Variants in TBC1D10A observed in about 807,000 individuals in gnomAD.
TBC1D10A encodes the protein EBP50-PDX interactor of 64 kDa.
In TBC1D10A, 24 loss-of-function variants were observed where a neutral mutation model predicts 52.9. The observed-to-expected ratio is 0.45, with a 90% CI of 0.33 to 0.64. The LOEUF is 0.64. Among genes scored for constraint, TBC1D10A ranks in the 30% least tolerant of loss-of-function variants. The probability of loss-of-function intolerance (pLI) is 0.02; values close to 1 mark genes in which losing one functional copy is unlikely to be tolerated. For missense variants in TBC1D10A, 602 were observed against 687.9 expected, an observed-to-expected ratio of 0.88 and a Z score of 1.40; for synonymous variants, 278 against 282.9, an observed-to-expected ratio of 0.98 and a Z score of 0.17.
At position 30,293,760 on chromosome 22, in the gene TBC1D10A, G is replaced by C. The variant is rs139812230; in HGVS notation, c.941C>G (p.Ala314Gly). 3 of 1,612,640 alleles carry C rather than the reference G, an allele frequency of 1.9e-6. No homozygotes were observed. Among genetic ancestry groups the C allele is most frequent in the Non-Finnish European group, 2.5e-6 (3 of 1,179,322 alleles). ...FRVGLVLLKH[A>G]LGSPEKVKAC... ...TTTGACCTTCTCAGGGGAGCCCAGC[G>C]CGTGCTTCAGCAGCACCAGCCCCAC... Residue 314 changes from alanine to glycine, a missense_variant, in exon 8 of 9, where the codon GCG becomes GGG. Ala to Gly is a moderately conservative substitution (Grantham distance 60). This residue lies in a region of TBC1D10A where 265 missense variants were observed against 275.1 expected (regional missense o/e 0.96). Coordinates refer to ENST00000215790, the MANE Select transcript of TBC1D10A (RefSeq NM_031937.3).
At position 30,294,115 on chromosome 22, in the gene TBC1D10A, G is replaced by A. The variant is rs1930020356; in HGVS notation, c.706-5C>T. ...CCCGTCCAGCTGGATCGCCTCCTAG[G>A]GAGACATCGAGGCCACGGGACCATG... On this transcript the variant is annotated splice_polypyrimidine_tract_variant and splice_region_variant and intron_variant, in intron 6 of 8. Coordinates refer to ENST00000215790, the MANE Select transcript of TBC1D10A (RefSeq NM_031937.3). 6.2e-7 allele frequency: 1 copy of A among 1,612,512 alleles called. No individual in the cohort carries two copies. The highest frequency in any genetic ancestry group is 8.5e-7 in the Non-Finnish European group (1 of 1,179,150).
At chr22:30,311,327 C>T (rs534410893) in intron 1 of TBC1D10A, among the ~76,000 whole-genome samples, 19 of 152,270 alleles carry the variant, frequency 1.2e-4, no homozygotes, top group Non-Finnish European at 2.2e-4. Context: ...GTCTGCCTGA[C>T]GCCACACACT....
Position 30,305,116 on chromosome 22 carries a change from CCT to C in TBC1D10A, c.210-488_210-487del, listed in dbSNP as rs980940262. On this transcript the variant is annotated intron_variant, in intron 1 of 8. Coordinates refer to ENST00000215790, the MANE Select transcript of TBC1D10A (RefSeq NM_031937.3). ...TCCCCAATTATGCCCTGGCCCTTTC[CCT>C]CTCAGCCTTTATTCATGCCAGTAAC... Among the ~76,000 whole-genome samples, 69 of 152,324 alleles carry C rather than the reference CCT, an allele frequency of 4.5e-4. 1 individual carries two copies. Among genetic ancestry groups the C allele is most frequent in the African/African-American group, 1.6e-3 (68 of 41,566 alleles).
intron 1 of TBC1D10A, among the ~76,000 whole-genome samples, chr22:30,307,060 T>C (rs1269630013): frequency 2.0e-5 from 3 of 152,148 alleles, no homozygotes; most frequent in African/African-American, 7.2e-5. Flanking sequence ...CAGTCTATCT[T>C]ATGAATTTGA....
At chr22:30,295,173 T>TGACCACAAGCA in intron 4 of TBC1D10A, 118 bp from the exon 5 acceptor site, 1 of 969,544 alleles carries the variant, frequency 1.0e-6, no homozygotes, top group Non-Finnish European at 1.6e-6. Flanking sequence ...AGAGGGAAGG[T>TGACCACAAGCA]GATCTGCTTG....
rs1475674066 is a variant in TBC1D10A, at chr22:30,292,746, T to C, written c.1156A>G (p.Arg386Gly). 1.2e-6 allele frequency: 2 copies of C among 1,611,912 alleles called. No individual in the cohort carries two copies. Among genetic ancestry groups the C allele is most frequent in the Non-Finnish European group, 8.5e-7 (1 of 1,179,570 alleles). Residue 386 changes from arginine (R) to glycine (G), a missense_variant, in exon 9 of 9, where the codon AGG becomes GGG. By Grantham distance (125) the Arg-to-Gly change is moderately radical (BLOSUM62 -2). Coordinates refer to ENST00000215790, the MANE Select transcript of TBC1D10A (RefSeq NM_031937.3). Reference sequence around the variant, plus strand: ...AAGATAGCCTTGGCACCATGCAGCCTGGGCGGGGAGCGGCACTGCAGCTCA... The same window carrying C: ...AAGATAGCCTTGGCACCATGCAGCCCGGGCGGGGAGCGGCACTGCAGCTCA... ...RGELQCRSPP[R>G]LHGAKAILDA...
rs1177201885 is a variant in TBC1D10A, at chr22:30,297,221, CAG to C, written c.418-1380_418-1379del. 1 of 152,432 alleles carries C rather than the reference CAG, an allele frequency of 6.6e-6. No individual in the cohort carries two copies. The highest frequency in any genetic ancestry group is 1.5e-5 in the Non-Finnish European group (1 of 68,190). 9.4% of individuals were successfully genotyped at this position (152,432 alleles called of 1,614,324 possible). ...ACAGGGAGGGGCTGGGGCCTCCACA[CAG>C]AGCCCTAGAGCAGGCACATAGCGGA... On this transcript the variant is annotated intron_variant, in intron 3 of 8. Transcript: ENST00000215790. This position sits in a 1 kb window ranked among gnomAD's most constrained non-coding sequence, Gnocchi z 4.3.
chr22:30,295,893 T>C (rs1324268274), intron 3 of TBC1D10A, 50 bp from the exon 4 acceptor site: 2 of 1,540,638 alleles, frequency 1.3e-6, no homozygotes, highest in East Asian at 2.3e-5. Context: ...AGGTGGGCTT[T>C]GCTGACAGGA....
chr22:30,294,897 G>A (rs552333770), intron 5 of TBC1D10A, 36 bp from the exon 6 acceptor site: 1 of 1,614,090 alleles, frequency 6.2e-7, no homozygotes, highest in Admixed American at 1.7e-5. Context: ...TTGCCGTTGG[G>A]GGTTCCCCAC....
Position 30,326,911 on chromosome 22 carries a change from C to G in TBC1D10A, c.-30G>C, listed in dbSNP as rs547905778. ...GCCGCGCCCGCCGCCTGAGCTCCAG[C>G]GGCCACCTCAGCCGCCCTGCTGCCG... On this transcript the variant is annotated 5_prime_UTR_variant, in exon 1 of 9. Coordinates refer to ENST00000215790, the MANE Select transcript of TBC1D10A (RefSeq NM_031937.3). 1.1e-3 allele frequency: 1,578 copies of G among 1,444,236 alleles called. 8 individuals are homozygous for G. Among genetic ancestry groups the G allele is most frequent in the Non-Finnish European group, 1.3e-3 (1,467 of 1,103,004 alleles). 89.5% of individuals were successfully genotyped at this position (1,444,236 alleles called of 1,614,324 possible). A position where few individuals can be genotyped will look rare whatever the true frequency, so the allele number is the denominator to read the frequency against.
chr22:30,301,969 G>A (rs1601672380), intron 2 of TBC1D10A, among the ~76,000 whole-genome samples: 1 of 152,316 alleles, frequency 6.6e-6, no homozygotes, highest in East Asian at 1.9e-4. Flanking sequence ...ATGTGCTTTA[G>A]CCCAAAGCCA....
At chr22:30,295,623 G>C (rs2010473866) in intron 4 of TBC1D10A, 114 bp downstream of exon 4, 7 of 971,186 alleles carry the variant, frequency 7.2e-6, no homozygotes, top group Non-Finnish European at 1.1e-5. Flanking sequence ...GAAATGCTAA[G>C]AGTGGAGTTG....
rs564242839 is a variant in TBC1D10A, at chr22:30,304,621, T to C, written c.219A>G (p.Glu73=). 33 of 1,614,016 alleles carry C rather than the reference T, an allele frequency of 2.0e-5. No homozygotes were observed. In the South Asian group the frequency reaches 3.3e-4, roughly 16 times the overall value. Residue 73 remains glutamate, a synonymous_variant, in exon 2 of 9, where the codon GAA becomes GAG. Transcript: ENST00000215790. The stretch of plus-strand genomic sequence containing the variant: ...TCTGCCTCAGCACCTCCAGGGGTAC[T>C]TCCTCCAGCCTGTGGAGCAGAGGGC... ...GSQGAEGALE[E]VPLEVLRQRE...
At chr22:30,315,054 G>T (rs1930507195) in intron 1 of TBC1D10A, among the ~76,000 whole-genome samples, 1 of 152,160 alleles carries the variant, frequency 6.6e-6, no homozygotes, top group African/African-American at 2.4e-5. Flanking sequence ...CAGGCCCTCA[G>T]ATCACAGCCC....
intron 8 of TBC1D10A, 187 bp from the exon 9 acceptor site, chr22:30,293,038 T>G: frequency 1.5e-6 from 1 of 662,976 alleles, no homozygotes; most frequent in Non-Finnish European, 2.6e-6. Context: ...CCAGGTGAGC[T>G]GGACACTTGA....
chr22:30,319,476 C>T (rs1161903069), intron 1 of TBC1D10A, among the ~76,000 whole-genome samples: 1 of 152,152 alleles, frequency 6.6e-6, no homozygotes, highest in Admixed American at 6.5e-5. Flanking sequence ...AAAAGTAAGC[C>T]TTGGTTTGCT....
chr22:30,307,293 C>G (rs527340892), intron 1 of TBC1D10A, among the ~76,000 whole-genome samples: 1 of 152,314 alleles, frequency 6.6e-6, no homozygotes, highest in Non-Finnish European at 1.5e-5. Flanking sequence ...TCCAGAAAAC[C>G]CCTCCTTCCT....
rs183132648 is a variant in TBC1D10A, at chr22:30,315,082, C to T, written c.210-10452G>A. On this transcript the variant is annotated intron_variant, in intron 1 of 8. Coordinates refer to ENST00000215790, the MANE Select transcript of TBC1D10A (RefSeq NM_031937.3). The stretch of plus-strand genomic sequence containing the variant: ...CACAGCCCTGCTCCAGATGACTCAG[C>T]GAGGAACTCATGGGGGGATTCCCAA... 7.9e-5 allele frequency among the ~76,000 whole-genome samples: 12 copies of T among 152,276 alleles called. No homozygotes were observed. In the East Asian group the frequency reaches 2.1e-3, roughly 27 times the overall value.
In TBC1D10A at chr22:30,297,778, GGA is replaced by G. The variant is rs1382867764; in HGVS notation, c.417+1664_417+1665del. The G allele has an allele frequency of 6.6e-6, 1 of 152,228 alleles. No individual in the cohort carries two copies. 9.4% of individuals were successfully genotyped at this position (152,228 alleles called of 1,614,324 possible). A position where few individuals can be genotyped will look rare whatever the true frequency, so the allele number is the denominator to read the frequency against. ...GGGTATTGAATGGAGGGCCCTGTGGGGAGAGAGCACAGAAACAGGTGCATGCT... is the reference window on the plus strand; with the variant it reads ...GGGTATTGAATGGAGGGCCCTGTGGGGAGAGCACAGAAACAGGTGCATGCT... On this transcript the variant is annotated intron_variant, in intron 3 of 8. Transcript: ENST00000215790. The surrounding 1 kb of genome is among the most constrained non-coding windows in gnomAD (Gnocchi z 4.3).
Sources: gnomAD v4.1 joint callset for allele counts (sites outside exome capture counted in the v4.1 genomes callset) on GRCh38, gnomAD v4.1.1 for gene constraint, gnomAD v4.1.1 regional missense constraint, Gnocchi (gnomAD v3.1) non-coding constraint, MANE v1.5 for transcripts, NCBI Gene and HGNC (gene_info 2026-07-23, HGNC 2026-07-21) for gene names.